SPPL3: variants seen among roughly 807,000 people sequenced by gnomAD.
The protein encoded by SPPL3 is signal peptide peptidase like 3, also known as signal peptide peptidase-like 3.
Under a neutral mutation model 42.4 loss-of-function variants are expected in SPPL3, and 5 were observed. The ratio of observed to expected loss-of-function variants is 0.12; its 90% CI spans 0.06 to 0.25. The LOEUF (loss-of-function observed/expected upper bound fraction) is 0.25. Ranked by LOEUF, SPPL3 falls within the 10% of genes least tolerant of loss-of-function variation. The probability of loss-of-function intolerance (pLI) is 1.00; values close to 1 mark genes in which losing one functional copy is unlikely to be tolerated. For missense variants in SPPL3, 235 were observed against 489.0 expected (o/e 0.48, Z 4.90); for synonymous variants, 195 against 181.8 (o/e 1.07, Z -0.58).
chr12:120,788,260 G>A (rs527578569), intron 3 of SPPL3, among the ~76,000 whole-genome samples: 2 of 152,260 alleles, frequency 1.3e-5, no homozygotes, highest in East Asian at 3.9e-4. Context: ...TTACTTTTCT[G>A]CTTTCTAATG....
At chr12:120,807,333 T>G (rs527329471) in intron 2 of SPPL3, among the ~76,000 whole-genome samples, 9 of 152,124 alleles carry the variant, frequency 5.9e-5, no homozygotes, top group Admixed American at 3.9e-4. Flanking sequence ...GTACATTTTA[T>G]GTTATATATA....
intron 1 of SPPL3, among the ~76,000 whole-genome samples, chr12:120,854,865 C>T (rs1872399970): frequency 6.6e-6 from 1 of 152,224 alleles, no homozygotes; most frequent in African/African-American, 2.4e-5. Context: ...AAAACCTGCT[C>T]AACTGAGGAA....
chr12:120,793,298 C>T (rs914615481), intron 2 of SPPL3, among the ~76,000 whole-genome samples: 2 of 152,156 alleles, frequency 1.3e-5, no homozygotes, highest in African/African-American at 4.8e-5. Flanking sequence ...TCACTTGAGA[C>T]CCATGTGGGC....
At chr12:120,889,370 T>C (rs1288542072) in intron 1 of SPPL3, among the ~76,000 whole-genome samples, 1 of 152,238 alleles carries the variant, frequency 6.6e-6, no homozygotes, top group African/African-American at 2.4e-5. Flanking sequence ...TTCCCACTAA[T>C]GGGCGTAAGA....
intron 1 of SPPL3, among the ~76,000 whole-genome samples, chr12:120,900,369 C>T (rs372301777): frequency 3.3e-5 from 5 of 151,150 alleles, no homozygotes; most frequent in East Asian, 2.0e-4. Context: ...CCCAGCACTT[C>T]GGGAGGCCAA....
intron 1 of SPPL3, among the ~76,000 whole-genome samples, chr12:120,861,345 C>T (rs533432932): frequency 6.6e-6 from 1 of 152,190 alleles, no homozygotes; most frequent in African/African-American, 2.4e-5. Flanking sequence ...TAAATGAGAA[C>T]ATGCTAGAAA....
chr12:120,782,367 A>C (rs558705374), intron 6 of SPPL3, among the ~76,000 whole-genome samples: 1 of 152,360 alleles, frequency 6.6e-6, no homozygotes, highest in African/African-American at 2.4e-5. Context: ...CCTTGAAAAC[A>C]TGCTAAGTGA....
At chr12:120,800,844 A>G (rs1028874300) in intron 2 of SPPL3, among the ~76,000 whole-genome samples, 1 of 152,238 alleles carries the variant, frequency 6.6e-6, no homozygotes, top group African/African-American at 2.4e-5. Flanking sequence ...AATGATGATA[A>G]TAGTTAAGCT....
chr12:120,834,429 T>A (rs1161129787), intron 1 of SPPL3, among the ~76,000 whole-genome samples: 1 of 152,130 alleles, frequency 6.6e-6, no homozygotes, highest in African/African-American at 2.4e-5. Flanking sequence ...CTCTGCCCTC[T>A]GAAGTACCCT....
At chr12:120,822,591 T>A (rs1409865340) in intron 1 of SPPL3, among the ~76,000 whole-genome samples, 1 of 152,160 alleles carries the variant, frequency 6.6e-6, no homozygotes, top group Non-Finnish European at 1.5e-5. Context: ...AGAGTTTAAA[T>A]CACAGTTCAT....
At chr12:120,894,966 CAAACAAA>C (rs1873755394) in intron 1 of SPPL3, among the ~76,000 whole-genome samples, 4 of 151,634 alleles carry the variant, frequency 2.6e-5, no homozygotes, top group Admixed American at 2.6e-4. Flanking sequence ...AACAAACAAA[CAAACAAA>C]CCTGCTAACA....
At chr12:120,790,169 A>G (rs915755980) in intron 3 of SPPL3, among the ~76,000 whole-genome samples, 2 of 152,250 alleles carry the variant, frequency 1.3e-5, no homozygotes, top group African/African-American at 4.8e-5. Flanking sequence ...TCCTTGCACT[A>G]GTAATAACTA....
In SPPL3 at chr12:120,881,767, G is replaced by C. The variant is rs186504868; in HGVS notation, c.23+22078C>G. ...CACACGCTAAATATAGATGAAGCTC[G>C]GGGGGCATTACTCTAAGTGAAAAAG... On this transcript the variant is annotated intron_variant, in intron 1 of 10. Coordinates refer to ENST00000353487, the MANE Select transcript of SPPL3 (RefSeq NM_139015.5). Among the ~76,000 whole-genome samples the C allele has an allele frequency of 2.0e-3, 301 of 150,116 alleles. 1 individual carries two copies. The highest frequency in any genetic ancestry group is 6.8e-3 in the Middle Eastern group (2 of 294).
chr12:120,788,515 C>T (rs1209491568), intron 3 of SPPL3, among the ~76,000 whole-genome samples: 4 of 152,190 alleles, frequency 2.6e-5, no homozygotes, highest in Non-Finnish European at 5.9e-5. Flanking sequence ...TTGAGTCTCA[C>T]TTAATGCTTC....
chr12:120,770,042 C>T (rs1215159742), intron 6 of SPPL3: 2 of 151,740 alleles, frequency 1.3e-5, no homozygotes, highest in East Asian at 1.9e-4. Context: ...TGACATAGTC[C>T]ACCCCACCAC....
chr12:120,787,818 T>G (rs992471829), intron 3 of SPPL3, among the ~76,000 whole-genome samples: 15 of 152,246 alleles, frequency 9.9e-5, no homozygotes, highest in African/African-American at 3.1e-4. Context: ...CTTCTTTGAC[T>G]CAATATGATT....
Position 120,829,195 on chromosome 12 carries a change from A to G in SPPL3, c.24-18309T>C, listed in dbSNP as rs542751998. On this transcript the variant is annotated intron_variant, in intron 1 of 10. Coordinates refer to ENST00000353487, the MANE Select transcript of SPPL3 (RefSeq NM_139015.5). ...TGAAACTGAAATCCATAAAGCTTCT[A>G]GAAGAAAACAGAAAAATCTTTGTGA... Among the ~76,000 whole-genome samples, 10 of 152,380 alleles carry G rather than the reference A, an allele frequency of 6.6e-5. No homozygotes were observed. The South Asian group carries it at 2.1e-3, about 32-fold the overall frequency.
intron 1 of SPPL3, among the ~76,000 whole-genome samples, chr12:120,872,010 G>A (rs917514521): frequency 4.6e-5 from 7 of 152,180 alleles, no homozygotes; most frequent in Non-Finnish European, 7.3e-5. Flanking sequence ...GCTCAAATGA[G>A]TATGTCCTTT....
intron 1 of SPPL3, among the ~76,000 whole-genome samples, chr12:120,839,188 A>G (rs1328051103): frequency 6.6e-6 from 1 of 151,802 alleles, no homozygotes; most frequent in African/African-American, 2.4e-5. Context: ...ATAAAAAATG[A>G]TGAGTTCATG....
Sources: gnomAD v4.1 joint callset for allele counts (sites outside exome capture counted in the v4.1 genomes callset) on GRCh38, gnomAD v4.1.1 for gene constraint, MANE v1.5 for transcripts, NCBI Gene and HGNC (gene_info 2026-07-23, HGNC 2026-07-21) for gene names.